Variants in NAA60 observed in about 807,000 individuals in gnomAD.
The protein encoded by NAA60 is N-alpha-acetyltransferase 60.
NAA60 carries 8 observed loss-of-function variants against 26.1 expected under a neutral mutation model. The ratio of observed to expected loss-of-function variants is 0.31; its 90% CI spans 0.18 to 0.55. The LOEUF (loss-of-function observed/expected upper bound fraction) is 0.55, where lower values mean the gene tolerates loss of function less well. Ranked by LOEUF, NAA60 falls within the 20% of genes least tolerant of loss-of-function variation. NAA60 has a pLI of 0.93. For missense variants in NAA60, 290 were observed against 311.3 expected (o/e 0.93, Z 0.51); for synonymous variants, 131 against 122.5 (o/e 1.07, Z -0.46).
chr16:3,454,734 A>G (rs568097888), intron 2 of NAA60, among the ~76,000 whole-genome samples: 1 of 152,318 alleles, frequency 6.6e-6, no homozygotes, highest in Admixed American at 6.5e-5. Context: ...TGTGACCGGC[A>G]GATGTCCCTC....
intron 4 of NAA60, among the ~76,000 whole-genome samples, chr16:3,480,011 A>T (rs2036727040): frequency 6.6e-6 from 1 of 151,990 alleles, no homozygotes; most frequent in Non-Finnish European, 1.5e-5. Flanking sequence ...TACAGAGATA[A>T]TTTTTTTTCC....
At chr16:3,482,441 C>T (rs1429520609) in intron 4 of NAA60, 61 bp from the exon 5 acceptor site, 2 of 1,362,242 alleles carry the variant, frequency 1.5e-6, no homozygotes, top group Non-Finnish European at 2.1e-6. Context: ...CTGGGCCGGG[C>T]TGTGCAGTGA....
rs557693992 is a variant in NAA60, at chr16:3,449,671, C to T, written c.-7+1131C>T. On this transcript the variant is annotated intron_variant, in intron 2 of 7. Transcript: ENST00000407558. ...CTGCACTCCAGCCTGGGTGACAGAG[C>T]GAGACCCCATCTGATATGGTTTGGC... Among the ~76,000 whole-genome samples, 20 of 152,178 alleles carry T rather than the reference C, an allele frequency of 1.3e-4. No homozygotes were observed. The South Asian group carries it at 1.9e-3, about 14-fold the overall frequency.
intron 4 of NAA60, among the ~76,000 whole-genome samples, chr16:3,481,324 A>G (rs1440221329): frequency 6.6e-6 from 1 of 152,104 alleles, no homozygotes; most frequent in Non-Finnish European, 1.5e-5. Context: ...CCCTGGCCTC[A>G]AGTGATCCGC....
rs1439112404 is a variant in NAA60 at position 3,486,519 on chromosome 16, C to A, written c.*1259C>A. 6 of 152,254 alleles carry A rather than the reference C, an allele frequency of 3.9e-5. No homozygotes were observed. The highest frequency in any genetic ancestry group is 8.8e-5 in the Non-Finnish European group (6 of 68,086). The allele number at this position is 152,254 out of a possible 1,614,324, so 9.4% of individuals were successfully genotyped here. A position where few individuals can be genotyped will look rare whatever the true frequency, so the allele number is the denominator to read the frequency against. On this transcript the variant is annotated 3_prime_UTR_variant, in exon 8 of 8. Coordinates refer to ENST00000407558, the MANE Select transcript of NAA60 (RefSeq NM_001083601.3). ...TCAGGGTGCTGGGGCAGCCCCAGGTCCCCTCTTGAACTCAGCTGGGGCCAG... is the reference window on the plus strand; with the variant it reads ...TCAGGGTGCTGGGGCAGCCCCAGGTACCCTCTTGAACTCAGCTGGGGCCAG...
chr16:3,459,525 A>G (rs2035235171), intron 2 of NAA60, among the ~76,000 whole-genome samples: 2 of 152,250 alleles, frequency 1.3e-5, no homozygotes, highest in Admixed American at 6.5e-5. Flanking sequence ...AGACAGGTTC[A>G]TCACAGCAGT....
chr16:3,465,048 A>G (rs1388763276), intron 2 of NAA60, among the ~76,000 whole-genome samples: 1 of 152,102 alleles, frequency 6.6e-6, no homozygotes, highest in Non-Finnish European at 1.5e-5. Context: ...CGGGTGGATC[A>G]TGAGGTCAGG....
At chr16:3,455,349 G>T (rs1017383515) in intron 2 of NAA60, among the ~76,000 whole-genome samples, 3 of 151,192 alleles carry the variant, frequency 2.0e-5, no homozygotes, top group African/African-American at 7.3e-5. Context: ...GGGATTACAG[G>T]CATGAGCCAC....
intron 2 of NAA60, among the ~76,000 whole-genome samples, chr16:3,456,266 C>T (rs1188043865): frequency 6.6e-6 from 1 of 152,130 alleles, no homozygotes; most frequent in Non-Finnish European, 1.5e-5. Flanking sequence ...CCAACTGAGT[C>T]CTGAGGTTCT....
chr16:3,479,686 C>T, intron 4 of NAA60, 86 bp downstream of exon 4: 6 of 1,492,996 alleles, frequency 4.0e-6, no homozygotes, highest in East Asian at 2.3e-5. Flanking sequence ...GCTGCCTGCT[C>T]CACAGCCGTC....
At chr16:3,462,957 AT>A (rs2035506960) in intron 2 of NAA60, among the ~76,000 whole-genome samples, 2 of 152,114 alleles carry the variant, frequency 1.3e-5, no homozygotes, top group African/African-American at 4.8e-5. Flanking sequence ...TTAAAATTAG[AT>A]TTTATATAGC....
chr16:3,477,036 C>T (rs1295746315), intron 3 of NAA60, among the ~76,000 whole-genome samples: 5 of 150,912 alleles, frequency 3.3e-5, no homozygotes, highest in Non-Finnish European at 5.9e-5. Context: ...AGCGATATTC[C>T]GTTTCAAAAA....
intron 4 of NAA60, among the ~76,000 whole-genome samples, chr16:3,482,233 C>T (rs17136444): frequency 0.1 from 15,574 of 152,242 alleles, 2,156 homozygotes; most frequent in African/African-American, 0.31. Flanking sequence ...GCCTCATTCC[C>T]GTCCTTGGCT....
chr16:3,449,179 C>A (rs2034671161), intron 2 of NAA60, among the ~76,000 whole-genome samples: 1 of 152,084 alleles, frequency 6.6e-6, no homozygotes. Flanking sequence ...TCGAGACCAG[C>A]CTGCCCAACA....
At chr16:3,465,311 G>T (rs1365119840) in intron 2 of NAA60, among the ~76,000 whole-genome samples, 2 of 151,634 alleles carry the variant, frequency 1.3e-5, no homozygotes, top group Non-Finnish European at 2.9e-5. Context: ...CTCATCCGAA[G>T]CAAGAGAGGC....
chr16:3,482,454 C>T lies in NAA60; in HGVS notation c.241-48C>T, dbSNP rs79592870. 9.8e-4 allele frequency: 1,423 copies of T among 1,456,124 alleles called. 10 individuals are homozygous for T. In the African/African-American group the frequency reaches 0.014, roughly 14 times the overall value. The allele number at this position is 1,456,124 out of a possible 1,614,324, so 90.2% of individuals were successfully genotyped here. ...GCCTGGGCCGGGCTGTGCAGTGAGC[C>T]GTGCACCAGACGTGTGAGCCTGACT... On this transcript the variant is annotated intron_variant, in intron 4 of 7. Transcript: ENST00000407558.
chr16:3,475,693 G>A (rs1269476480), intron 2 of NAA60, among the ~76,000 whole-genome samples: 1 of 152,160 alleles, frequency 6.6e-6, no homozygotes, highest in Non-Finnish European at 1.5e-5. Context: ...AGAAATTGGG[G>A]TGTGACCCAC....
chr16:3,450,824 G>C (rs2034753881), intron 2 of NAA60, among the ~76,000 whole-genome samples: 1 of 152,076 alleles, frequency 6.6e-6, no homozygotes, highest in African/African-American at 2.4e-5. Flanking sequence ...GCTCAGGGCA[G>C]CCAGTGGAGA....
rs1301118745 is a variant in NAA60, at chr16:3,471,255, G to A, written c.-6-4967G>A. On this transcript the variant is annotated intron_variant, in intron 2 of 7. Coordinates refer to ENST00000407558, the MANE Select transcript of NAA60 (RefSeq NM_001083601.3). ...CGGTGCTCACACCTGTAATCCCAGC[G>A]CTTTGGGAGGGCAAGGCAGGCGGAT... Among the ~76,000 whole-genome samples, 9 of 152,044 alleles carry A rather than the reference G, an allele frequency of 5.9e-5. No homozygotes were observed. In the East Asian group the frequency reaches 1.7e-3, roughly 29 times the overall value.
Sources: gnomAD v4.1 joint callset for allele counts (sites outside exome capture counted in the v4.1 genomes callset) on GRCh38, gnomAD v4.1.1 for gene constraint, MANE v1.5 for transcripts, NCBI Gene and HGNC (gene_info 2026-07-23, HGNC 2026-07-21) for gene names.